Variants in ARHGAP29 observed in about 807,000 individuals in gnomAD.
ARHGAP29 encodes the protein Rho GTPase activating protein 29.
A neutral mutation model predicts 122.6 loss-of-function variants in ARHGAP29; 43 were observed. The ratio of observed to expected loss-of-function variants is 0.35; its 90% CI spans 0.27 to 0.45. ARHGAP29 has a LOEUF of 0.45. Among genes scored for constraint, ARHGAP29 ranks in the 20% least tolerant of loss-of-function variants. ARHGAP29 has a pLI of 1.00. For synonymous variants in ARHGAP29, 506 were observed against 497.1 expected (o/e 1.02, Z -0.24); for missense variants, 1,303 against 1,477.2 (o/e 0.88, Z 1.93).
chr1:94,298,997 CTTTG>C, the ARHGAP29 span, among the ~76,000 whole-genome samples: 4 of 152,210 alleles, frequency 2.6e-5, no homozygotes, highest in Admixed American at 2.6e-4. Context: ...TGGAACATAT[CTTTG>C]TTTGAGCAAC....
intron 16 of ARHGAP29, among the ~76,000 whole-genome samples, 156 bp downstream of exon 16, chr1:94,186,343 T>C (rs1286526881): frequency 2.0e-5 from 3 of 152,248 alleles, no homozygotes; most frequent in East Asian, 1.9e-4. Flanking sequence ...CCCATACTTA[T>C]ATATAATTGT....
intron 15 of ARHGAP29, among the ~76,000 whole-genome samples, chr1:94,188,319 A>C (rs532518295): frequency 3.3e-5 from 5 of 152,312 alleles, no homozygotes; most frequent in African/African-American, 1.2e-4. Context: ...CAGGCACAGA[A>C]ATACCAAAAT....
chr1:94,203,013 T>G lies in ARHGAP29; in HGVS notation c.874-15A>C, dbSNP rs1650958229. 1 of 1,601,902 alleles carries G rather than the reference T, an allele frequency of 6.2e-7. No homozygotes were observed. The highest frequency in any genetic ancestry group is 8.5e-7 in the Non-Finnish European group (1 of 1,176,594). ...CCAAGTAGAGGCTGTGAAAGGTATT[T>G]AAAATGGAAAAAGAGAAAAGCAATT... On this transcript the variant is annotated splice_polypyrimidine_tract_variant and intron_variant, in intron 9 of 22. Coordinates refer to ENST00000260526, the MANE Select transcript of ARHGAP29 (RefSeq NM_004815.4).
chr1:94,237,449 C>T lies in ARHGAP29; in HGVS notation c.-67G>A. 1.0e-6 allele frequency: 1 copy of T among 987,256 alleles called. No homozygotes were observed. Among genetic ancestry groups the T allele is most frequent in the Non-Finnish European group, 1.2e-6 (1 of 830,904 alleles). 61.2% of individuals were successfully genotyped at this position (987,256 alleles called of 1,614,324 possible). A position where few individuals can be genotyped will look rare whatever the true frequency, so the allele number is the denominator to read the frequency against. ...CCATCTCGCGTGCCGGACGCGGACG[C>T]CCGCCCCACACCTACGGCCGCCGCC... On this transcript the variant is annotated 5_prime_UTR_variant, in exon 1 of 23. Transcript: ENST00000260526.
At chr1:94,302,198 G>A in the ARHGAP29 span, 3 of 266,368 alleles carry the variant, frequency 1.1e-5, no homozygotes, top group Non-Finnish European at 1.5e-5. Flanking sequence ...TCCACCCACA[G>A]CAAGTTCCAC....
chr1:94,211,910 C>G, intron 3 of ARHGAP29, among the ~76,000 whole-genome samples: 1 of 152,010 alleles, frequency 6.6e-6, no homozygotes, highest in East Asian at 1.9e-4. Flanking sequence ...CCTCCTCCCC[C>G]AACCCCACAA....
chr1:94,286,989 A>G, the ARHGAP29 span, among the ~76,000 whole-genome samples: 15 of 152,172 alleles, frequency 9.9e-5, no homozygotes, highest in Non-Finnish European at 1.6e-4. Flanking sequence ...GTAGCATTAG[A>G]TCCCACAGGT....
upstream of ARHGAP29, among the ~76,000 whole-genome samples, chr1:94,241,635 T>C (rs1653575897): frequency 7.9e-6 from 1 of 127,314 alleles, no homozygotes; most frequent in African/African-American, 2.7e-5. Flanking sequence ...AGTAATTTTA[T>C]ATATAATTAT....
At position 94,172,271 on chromosome 1, in the gene ARHGAP29, T is replaced by TAGCACCTTGGCAA. The variant is rs1351096383; in HGVS notation, c.*1585_*1597dup. The TAGCACCTTGGCAA allele has an allele frequency of 1.3e-5, 2 of 152,194 alleles. No homozygotes were observed. The highest frequency in any genetic ancestry group is 2.4e-5 in the African/African-American group (1 of 41,454). The allele number at this position is 152,194 out of a possible 1,614,324, so 9.4% of individuals were successfully genotyped here. A position where few individuals can be genotyped will look rare whatever the true frequency, so the allele number is the denominator to read the frequency against. On this transcript the variant is annotated 3_prime_UTR_variant, in exon 23 of 23. Transcript: ENST00000260526. ...TGAACTTGAAATAAAATAATCTATG[T>TAGCACCTTGGCAA]AGCACCTTGGCAAAGTTCCTGGCAC...
chr1:94,190,876 T>A (rs1036979795), intron 12 of ARHGAP29: 1 of 152,078 alleles, frequency 6.6e-6, no homozygotes, highest in African/African-American at 2.4e-5. Context: ...AAATACTACA[T>A]AAGAATGTCA....
At chr1:94,291,090 A>G in the ARHGAP29 span, among the ~76,000 whole-genome samples, 1 of 152,254 alleles carries the variant, frequency 6.6e-6, no homozygotes, top group East Asian at 1.9e-4. Flanking sequence ...TGCTTTATGA[A>G]TCTGGGTGCT....
chr1:94,226,015 A>T (rs1474162824), intron 2 of ARHGAP29, among the ~76,000 whole-genome samples: 1 of 152,042 alleles, frequency 6.6e-6, no homozygotes, highest in African/African-American at 2.4e-5. Flanking sequence ...GCATTAACAA[A>T]ATACCACAGT....
chr1:94,309,675 G>A, the ARHGAP29 span, among the ~76,000 whole-genome samples: 1 of 152,178 alleles, frequency 6.6e-6, no homozygotes, highest in African/African-American at 2.4e-5. Context: ...GGGAGGGATG[G>A]ATGATGCAGG....
chr1:94,196,508 G>A lies in ARHGAP29; in HGVS notation c.1281+5212C>T, dbSNP rs557637440. 4.0e-5 allele frequency among the ~76,000 whole-genome samples: 6 copies of A among 151,748 alleles called. No individual in the cohort carries two copies. The South Asian group carries it at 1.0e-3, about 26-fold the overall frequency. ...GATCTCCTGACCTCGTGATCCGCCC[G>A]CCTCGGCCTCCCAAAGTGCTGGGAT... On this transcript the variant is annotated intron_variant, in intron 12 of 22. Transcript: ENST00000260526.
chr1:94,209,475 G>A (rs1651442605), intron 3 of ARHGAP29, 125 bp from the exon 4 acceptor site: 2 of 532,950 alleles, frequency 3.8e-6, no homozygotes, highest in Non-Finnish European at 6.3e-6. Context: ...AAATTGAAAA[G>A]CCTAACATAC....
chr1:94,294,282 A>ATG, the ARHGAP29 span, among the ~76,000 whole-genome samples: 14 of 151,414 alleles, frequency 9.2e-5, no homozygotes, highest in East Asian at 2.1e-3. Context: ...ACACACACAC[A>ATG]CGCGCATATA....
upstream of ARHGAP29, among the ~76,000 whole-genome samples, chr1:94,238,995 T>C (rs1000319327): frequency 1.3e-5 from 2 of 152,182 alleles, no homozygotes; most frequent in Non-Finnish European, 2.9e-5. Flanking sequence ...CTTGGTTACT[T>C]TGGCACCATA....
At chr1:94,224,751 T>C (rs1434763165) in intron 2 of ARHGAP29, among the ~76,000 whole-genome samples, 2 of 152,004 alleles carry the variant, frequency 1.3e-5, no homozygotes, top group African/African-American at 4.8e-5. Flanking sequence ...AGAAAAAAAA[T>C]CACTGCAACT....
upstream of ARHGAP29, among the ~76,000 whole-genome samples, chr1:94,276,257 CAA>C (rs76216097): frequency 7.8e-6 from 1 of 128,904 alleles, no homozygotes; most frequent in African/African-American, 2.9e-5. Context: ...GACTCTGTCT[CAA>C]AAAAAAAAAA....
Sources: gnomAD v4.1 joint callset for allele counts (sites outside exome capture counted in the v4.1 genomes callset) on GRCh38, gnomAD v4.1.1 for gene constraint, MANE v1.5 for transcripts, NCBI Gene and HGNC (gene_info 2026-07-23, HGNC 2026-07-21) for gene names.